Variants in CELSR3 observed in about 807,000 individuals in gnomAD.
The protein encoded by CELSR3 is EGF-like protein 1.
CELSR3 carries 73 observed loss-of-function variants against 270.0 expected under a neutral mutation model. That is an observed-to-expected ratio of 0.27 (90% CI 0.22 to 0.33). The LOEUF (loss-of-function observed/expected upper bound fraction) is 0.33, where lower values mean the gene tolerates loss of function less well. CELSR3 is among the 10% of genes least tolerant of loss of function. The pLI, the probability that CELSR3 is intolerant of heterozygous loss-of-function variation, is 1.00. For missense variants in CELSR3, 3,614 were observed against 4,533.8 expected (o/e 0.80, Z 5.83); for synonymous variants, 1,780 against 1,905.4 (o/e 0.93, Z 1.71).
Position 48,654,215 on chromosome 3 carries a change from G to T in CELSR3, c.5152+74C>A. The T allele has an allele frequency of 6.3e-7, 1 of 1,590,384 alleles. No individual in the cohort carries two copies. Among genetic ancestry groups the T allele is most frequent in the Middle Eastern group, 1.7e-4 (1 of 5,998 alleles). ...CCAAAGGAGACTGGCTTGAAGTCAG[G>T]TATGGAGTCCTCCACTTCCTCCCTA... is the stretch of plus-strand genomic sequence containing the variant. On this transcript the variant is annotated intron_variant, in intron 7 of 34. Coordinates refer to ENST00000164024, the MANE Select transcript of CELSR3 (RefSeq NM_001407.3). This position sits in a 1 kb window ranked among gnomAD's most constrained non-coding sequence, Gnocchi z 5.4.
chr3:48,653,734 C>T lies in CELSR3; in HGVS notation c.5333G>A (p.Gly1778Glu), dbSNP rs1236964150. 1.2e-6 allele frequency: 2 copies of T among 1,614,202 alleles called. No individual in the cohort carries two copies. Among genetic ancestry groups the T allele is most frequent in the South Asian group, 1.1e-5 (1 of 91,090 alleles). ...TGGCACAGACACAGCCATGTCACTT[C>T]CAAAGTTCCAGCTCAGTGTGCCGTT... ...RGNGTLSWNF[G>E]SDMAVSVPWY... Residue 1778 changes from glycine to glutamate, a missense_variant, in exon 9 of 35, where the codon GGA becomes GAA. By Grantham distance (98) the Gly-to-Glu change is moderately conservative. Around this residue, in one of 7 missense-constraint regions of CELSR3, gnomAD observed 1,331 missense variants for 1,933.7 expected, o/e 0.69. Transcript: ENST00000164024. This position sits in a 1 kb window ranked among gnomAD's most constrained non-coding sequence, Gnocchi z 6.5.
At chr3:48,643,823 C>A in intron 27 of CELSR3, 146 bp from the exon 28 acceptor site, 1 of 929,208 alleles carries the variant, frequency 1.1e-6, no homozygotes, top group East Asian at 2.7e-5. Flanking sequence ...CTGGAGGACA[C>A]TGGGGGAGAT....
chr3:48,648,238 G>GCCCCCCCCCACCC, intron 19 of CELSR3, 28 bp downstream of exon 19: 23 of 1,342,490 alleles, frequency 1.7e-5, no homozygotes, highest in Non-Finnish European at 2.3e-5. Flanking sequence ...CCCCTGCTGT[G>GCCCCCCCCCACCC]CCCCGCCCTA....
rs984636271 is a variant in CELSR3 at position 48,641,107 on chromosome 3, C to G, written c.9025+217G>C. On this transcript the variant is annotated intron_variant, in intron 33 of 34. Coordinates refer to ENST00000164024, the MANE Select transcript of CELSR3 (RefSeq NM_001407.3). The surrounding 1 kb of genome is among the most constrained non-coding windows in gnomAD (Gnocchi z 4.8). ...GGGCAGGAGTGGTCGCCTGTGGTCC[C>G]CCTGTGGTGCTGGCCAGGGTAGAGG... 1.0e-5 allele frequency: 6 copies of G among 571,874 alleles called. No individual in the cohort carries two copies. In the African/African-American group the frequency reaches 1.1e-4, roughly 11 times the overall value. 35.4% of individuals were successfully genotyped at this position (571,874 alleles called of 1,614,324 possible). A position where few individuals can be genotyped will look rare whatever the true frequency, so the allele number is the denominator to read the frequency against.
In CELSR3 at chr3:48,638,012, C is replaced by T. The variant is rs1173485836; in HGVS notation, c.*193G>A. 1 of 554,440 alleles carries T rather than the reference C, an allele frequency of 1.8e-6. No individual in the cohort carries two copies. Among genetic ancestry groups the T allele is most frequent in the East Asian group, 2.8e-5 (1 of 35,544 alleles). The allele number at this position is 554,440 out of a possible 1,614,324, so 34.3% of individuals were successfully genotyped here. A position where few individuals can be genotyped will look rare whatever the true frequency, so the allele number is the denominator to read the frequency against. On this transcript the variant is annotated 3_prime_UTR_variant, in exon 35 of 35. Transcript: ENST00000164024. ...GTATAAAAGTCTCCCTCCAGTCCCC[C>T]GTCTCTGCACCTGTCACACGCATGC...
Position 48,650,200 on chromosome 3 carries a change from A to G in CELSR3, c.6472+280T>C. ...GCAGGGAGGGGTCTGCAGGGACCTC[A>G]GGCAGCAGGAGGGGTCTGCAAAAGC... is the stretch of plus-strand genomic sequence containing the variant. On this transcript the variant is annotated intron_variant, in intron 16 of 34. Transcript: ENST00000164024. This position sits in a 1 kb window ranked among gnomAD's most constrained non-coding sequence, Gnocchi z 5.1. The G allele has an allele frequency of 1.8e-6, 1 of 560,774 alleles. No homozygotes were observed. Among genetic ancestry groups the G allele is most frequent in the Non-Finnish European group, 3.4e-6 (1 of 294,194 alleles). 34.7% of individuals were successfully genotyped at this position (560,774 alleles called of 1,614,324 possible).
At position 48,661,143 on chromosome 3, in the gene CELSR3, T is replaced by A. The variant is rs371842449; in HGVS notation, c.1492A>T (p.Ser498Cys). The change falls in exon 1 of 35, where the codon AGC becomes TGC. Residue 498 changes from serine to cysteine, a missense_variant. By Grantham distance (112) the Ser-to-Cys change is moderately radical. Around this residue, in one of 7 missense-constraint regions of CELSR3, gnomAD observed 354 missense variants for 500.9 expected, o/e 0.71. Coordinates refer to ENST00000164024, the MANE Select transcript of CELSR3 (RefSeq NM_001407.3). Reference sequence around the variant, plus strand: ...ATGTGCTCGCGGTCCACTCGGCCGCTGGTGCTGATGAGGCCGGAGCGTGGA... The same window carrying A: ...ATGTGCTCGCGGTCCACTCGGCCGCAGGTGCTGATGAGGCCGGAGCGTGGA... ...IDPRSGLIST[S>C]GRVDREHMES... The A allele has an allele frequency of 2.4e-5, 39 of 1,606,208 alleles. No individual in the cohort carries two copies. Among genetic ancestry groups the A allele is most frequent in the Admixed American group, 6.8e-5 (4 of 58,862 alleles).
At position 48,654,266 on chromosome 3, in the gene CELSR3, G is replaced by C. The variant is rs767110240; in HGVS notation, c.5152+23C>G. The C allele has an allele frequency of 5.6e-6, 9 of 1,613,458 alleles. No individual in the cohort carries two copies. The South Asian group carries it at 9.9e-5, about 18-fold the overall frequency. ...TGATGGGGACAGGGCCATGGGCTAG[G>C]CTGGTGGAAGCTTCAGGCCTACCTG... On this transcript the variant is annotated intron_variant, in intron 7 of 34. Coordinates refer to ENST00000164024, the MANE Select transcript of CELSR3 (RefSeq NM_001407.3). The surrounding 1 kb of genome is among the most constrained non-coding windows in gnomAD (Gnocchi z 5.4).
Position 48,652,837 on chromosome 3 carries a change from T to G in CELSR3, c.5634+165A>C, listed in dbSNP as rs1241368654. Among the ~76,000 whole-genome samples, 1 of 152,104 alleles carries G rather than the reference T, an allele frequency of 6.6e-6. No individual in the cohort carries two copies. The highest frequency in any genetic ancestry group is 2.4e-5 in the African/African-American group (1 of 41,418). ...GGGCTTGAGAGTGGACCAACTTGGCTGGTGGGTGGGCTCAGTGCAAGGATA... is the reference window on the plus strand; with the variant it reads ...GGGCTTGAGAGTGGACCAACTTGGCGGGTGGGTGGGCTCAGTGCAAGGATA... On this transcript the variant is annotated intron_variant, in intron 10 of 34. Transcript: ENST00000164024. The surrounding 1 kb of genome is among the most constrained non-coding windows in gnomAD (Gnocchi z 4.3).
rs540314976 is a variant in CELSR3, at chr3:48,642,967, C to A, written c.8406G>T (p.Leu2802=). 12 of 1,611,898 alleles carry A rather than the reference C, an allele frequency of 7.4e-6. No individual in the cohort carries two copies. The Admixed American group carries it at 1.5e-4, about 20-fold the overall frequency. ...TCTCAGGGCCCCCATCCCGACTCAC[C>A]AGCCCAGGTGCTGGCCTTGCCTCCT... ...APEEARPAPG[L]GPGAYNNTAL... is the part of the protein sequence containing the mutation. Residue 2802 remains leucine (L), a splice_region_variant and synonymous_variant, in exon 29 of 35, where the codon CTG becomes CTT. Coordinates refer to ENST00000164024, the MANE Select transcript of CELSR3 (RefSeq NM_001407.3). This position sits in a 1 kb window ranked among gnomAD's most constrained non-coding sequence, Gnocchi z 6.1.
At chr3:48,649,006 G>A (rs2095089145) in intron 17 of CELSR3, 78 bp from the exon 18 acceptor site, 2 of 1,559,896 alleles carry the variant, frequency 1.3e-6, no homozygotes, top group African/African-American at 2.7e-5. Flanking sequence ...AGCCTTGCCA[G>A]ATTAAAGGGC....
At chr3:48,643,996 A>G in intron 27 of CELSR3, 1 of 587,290 alleles carries the variant, frequency 1.7e-6, no homozygotes, top group Non-Finnish European at 3.0e-6. Context: ...CTCTGGGGGG[A>G]CCCAGAGGAC....
chr3:48,662,367 C>T lies in CELSR3; in HGVS notation c.268G>A (p.Gly90Arg). The T allele has an allele frequency of 6.2e-7, 1 of 1,613,050 alleles. No homozygotes were observed. Among genetic ancestry groups the T allele is most frequent in the South Asian group, 1.1e-5 (1 of 91,088 alleles). Residue 90 changes from glycine to arginine, a missense_variant, in exon 1 of 35, where the codon GGG becomes AGG. Physicochemically the swap from Gly to Arg is moderately radical, Grantham distance 125 (BLOSUM62 -2). This residue lies in a region of CELSR3 where 470 missense variants were observed against 469.7 expected (regional missense o/e 1.00). Coordinates refer to ENST00000164024, the MANE Select transcript of CELSR3 (RefSeq NM_001407.3). The surrounding 1 kb of genome is among the most constrained non-coding windows in gnomAD (Gnocchi z 7.1). ...CTATTCCGGGCGCTTTGCCTTCTCC[C>T]TCGGAGCCCCACGAAGATAGGCTCC... is the stretch of plus-strand genomic sequence containing the variant. ...VREPIFVGLR[G>R]RRQSARNSRG... is the part of the protein sequence containing the mutation.
In CELSR3 at chr3:48,644,064, A is replaced by G; in HGVS notation, c.8165+152T>C. On this transcript the variant is annotated intron_variant, in intron 27 of 34. Transcript: ENST00000164024. The surrounding 1 kb of genome is among the most constrained non-coding windows in gnomAD (Gnocchi z 4.8). ...GGCTACAGTATAGCGAGGGCGCCAG[A>G]GAGGGACCACAGGTCAGGGCAGGTG... 1.6e-6 allele frequency: 1 copy of G among 644,616 alleles called. No individual in the cohort carries two copies. Among genetic ancestry groups the G allele is most frequent in the Non-Finnish European group, 2.8e-6 (1 of 362,550 alleles). The allele number at this position is 644,616 out of a possible 1,614,324, so 39.9% of individuals were successfully genotyped here.
At position 48,652,004 on chromosome 3, in the gene CELSR3, T is replaced by C. The variant is rs1190976734; in HGVS notation, c.5796A>G (p.Leu1932=). Residue 1932 remains leucine, a synonymous_variant, in exon 12 of 35, where the codon CTA becomes CTG. Coordinates refer to ENST00000164024, the MANE Select transcript of CELSR3 (RefSeq NM_001407.3). The surrounding 1 kb of genome is among the most constrained non-coding windows in gnomAD (Gnocchi z 4.3). ...GSTPSGSPAL[L]PPSHRVNAEP... ...CCGCATTCACTCGGTGGCTGGGGGGTAGCAGGGCCGGGGAGCCAGAGGGTG... is the reference window on the plus strand; with the variant it reads ...CCGCATTCACTCGGTGGCTGGGGGGCAGCAGGGCCGGGGAGCCAGAGGGTG... The C allele has an allele frequency of 1.3e-6, 2 of 1,584,208 alleles. No homozygotes were observed. Among genetic ancestry groups the C allele is most frequent in the Admixed American group, 1.8e-5 (1 of 54,370 alleles).
chr3:48,644,171 A>T lies in CELSR3; in HGVS notation c.8165+45T>A. On this transcript the variant is annotated intron_variant, in intron 27 of 34. Coordinates refer to ENST00000164024, the MANE Select transcript of CELSR3 (RefSeq NM_001407.3). This position sits in a 1 kb window ranked among gnomAD's most constrained non-coding sequence, Gnocchi z 4.8. ...GGGCCCCAGACCCCACCCAGGAGGG[A>T]CCTGCCATCCTGAGAAGCCCCCTTC... is the stretch of plus-strand genomic sequence containing the variant. 6.4e-7 allele frequency: 1 copy of T among 1,554,118 alleles called. No homozygotes were observed. Among genetic ancestry groups the T allele is most frequent in the Non-Finnish European group, 8.9e-7 (1 of 1,129,440 alleles).
chr3:48,650,901 C>T lies in CELSR3; in HGVS notation c.6361G>A (p.Gly2121Ser), dbSNP rs1005474665. The T allele has an allele frequency of 6.2e-6, 10 of 1,610,418 alleles. No homozygotes were observed. Among genetic ancestry groups the T allele is most frequent in the Non-Finnish European group, 8.5e-6 (10 of 1,179,624 alleles). The change falls in exon 15 of 35, where the codon GGC (glycine) becomes AGC (serine). Residue 2121 changes from glycine to serine, a missense_variant. Gly to Ser is a moderately conservative substitution (Grantham distance 56). Coordinates refer to ENST00000164024, the MANE Select transcript of CELSR3 (RefSeq NM_001407.3). The surrounding 1 kb of genome is among the most constrained non-coding windows in gnomAD (Gnocchi z 5.1). ...DSPFAEVTAS[G>S]CRVLYDACPK... ...GGTGGAGCCTGCTCACCCCGGCAGC[C>T]GCTGGCTGTCACCTCTGCGAAGGGA...
rs1315244859 is a variant in CELSR3, at chr3:48,660,207, C to T, written c.2428G>A (p.Val810Met). 6.2e-7 allele frequency: 1 copy of T among 1,614,156 alleles called. No individual in the cohort carries two copies. The highest frequency in any genetic ancestry group is 8.5e-7 in the Non-Finnish European group (1 of 1,180,036). The change falls in exon 1 of 35, where the codon GTG becomes ATG. Residue 810 changes from valine to methionine, a missense_variant. By Grantham distance (21) the Val-to-Met change is conservative. Coordinates refer to ENST00000164024, the MANE Select transcript of CELSR3 (RefSeq NM_001407.3). This position sits in a 1 kb window ranked among gnomAD's most constrained non-coding sequence, Gnocchi z 5.5. The stretch of plus-strand genomic sequence containing the variant: ...GGCAGAGCCAGAGTCACCAGACCCA[C>T]ACCCCCCTGGGTGCTGATGGCAAAG... ...NRFAISTQGG[V>M]GLVTLALPLD...
At position 48,651,813 on chromosome 3, in the gene CELSR3, G is replaced by A; in HGVS notation, c.5923+64C>T. 3 of 1,551,202 alleles carry A rather than the reference G, an allele frequency of 1.9e-6. No homozygotes were observed. The highest frequency in any genetic ancestry group is 2.6e-6 in the Non-Finnish European group (3 of 1,151,480). ...GTCCCTGCCTCCTTCAGGTTCCCCA[G>A]TCTTCATCATGGGCCCCTAACGCCT... On this transcript the variant is annotated intron_variant, in intron 12 of 34. Transcript: ENST00000164024. This position sits in a 1 kb window ranked among gnomAD's most constrained non-coding sequence, Gnocchi z 7.4.
Sources: allele counts gnomAD v4.1 joint callset (sites outside exome capture counted in the v4.1 genomes callset), GRCh38; gene constraint gnomAD v4.1.1; regional missense constraint gnomAD v4.1.1; non-coding constraint Gnocchi (gnomAD v3.1); transcripts MANE v1.5; gene names NCBI Gene and HGNC (gene_info 2026-07-23, HGNC 2026-07-21).